Variants in CASP2 observed in about 807,000 individuals in gnomAD.
The protein encoded by CASP2 is caspase 2, also known as caspase-2.
Under a neutral mutation model 54.4 loss-of-function variants are expected in CASP2, and 38 were observed. The ratio of observed to expected loss-of-function variants is 0.70; its 90% CI spans 0.54 to 0.92. The LOEUF (loss-of-function observed/expected upper bound fraction) is 0.92. Ranked by LOEUF, CASP2 falls within the 40% of genes least tolerant of loss-of-function variation. The probability of loss-of-function intolerance (pLI) is 0.00; values close to 1 mark genes in which losing one functional copy is unlikely to be tolerated. For missense variants in CASP2, 512 were observed against 579.6 expected, an observed-to-expected ratio of 0.88 and a Z score of 1.20; for synonymous variants, 215 against 216.3, an observed-to-expected ratio of 0.99 and a Z score of 0.05.
In CASP2 at chr7:143,294,869, T is replaced by A. The variant is rs145978960; in HGVS notation, c.747+96T>A. The A allele has an allele frequency of 5.2e-4, 585 of 1,124,996 alleles. 1 individual carries two copies. In the Middle Eastern group the frequency reaches 5.8e-3, roughly 11 times the overall value. 69.7% of individuals were successfully genotyped at this position (1,124,996 alleles called of 1,614,324 possible). A position where few individuals can be genotyped will look rare whatever the true frequency, so the allele number is the denominator to read the frequency against. On this transcript the variant is annotated intron_variant, in intron 6 of 10. Transcript: ENST00000310447. Reference sequence around the variant, plus strand: ...TTGTTCCTGTGCCTGCTGGGATATGTCTTAAAAGTTGGTTTATTCTACTTA... The same window carrying A: ...TTGTTCCTGTGCCTGCTGGGATATGACTTAAAAGTTGGTTTATTCTACTTA...
At position 143,291,708 on chromosome 7, in the gene CASP2, A is replaced by C; in HGVS notation, c.225+18A>C. The stretch of plus-strand genomic sequence containing the variant: ...TCATCCAGGTATCTGGAGGCAAAAG[A>C]GAGAAGATAAATTGATCATGGGGTG... On this transcript the variant is annotated intron_variant, in intron 2 of 10. Transcript: ENST00000310447. 1 of 1,607,656 alleles carries C rather than the reference A, an allele frequency of 6.2e-7. No homozygotes were observed. Among genetic ancestry groups the C allele is most frequent in the Non-Finnish European group, 8.5e-7 (1 of 1,175,446 alleles).
At chr7:143,291,780 C>CTTTTTTTTTTTTTTTTTTTTTTTTTTTT (rs777186983) in intron 2 of CASP2, 90 bp downstream of exon 2, 1 of 336,022 alleles carries the variant, frequency 3.0e-6, no homozygotes, top group African/African-American at 4.2e-5. Flanking sequence ...ATCTTTCTTC[C>CTTTTTTTTTTTTTTTTTTTTTTTTTTTT]TTTTTTTTTT....
chr7:143,293,479 T>C (rs928897245), intron 4 of CASP2, among the ~76,000 whole-genome samples: 4 of 151,980 alleles, frequency 2.6e-5, no homozygotes, highest in Admixed American at 2.6e-4. Context: ...TAAGGGCTAG[T>C]AGGACAGTTT....
intron 1 of CASP2, among the ~76,000 whole-genome samples, chr7:143,289,270 T>C (rs1353943380): frequency 1.3e-5 from 2 of 152,240 alleles, no homozygotes; most frequent in Non-Finnish European, 2.9e-5. Context: ...CCTGAAATTC[T>C]AAATGATTGG....
chr7:143,289,660 A>G (rs530284245), intron 1 of CASP2: 123 of 965,240 alleles, frequency 1.3e-4, no homozygotes, highest in Middle Eastern at 5.3e-4. Flanking sequence ...ACCACTGGTT[A>G]GTATCCCAGC....
At position 143,288,460 on chromosome 7, in the gene CASP2, C is replaced by A. The variant is rs765220960; in HGVS notation, c.5C>A (p.Ala2Glu). ...AGAGCCCGGGAAAAGCGGGAAATGG[C>A]GGCGCCGAGCGCGGGGTCTTGGTCC... M[A>E]APSAGSWSTF... The change falls in exon 1 of 11, where the codon GCG (alanine) becomes GAG (glutamate). Residue 2 changes from alanine to glutamate, a missense_variant. Ala to Glu is a moderately radical substitution (Grantham distance 107). Transcript: ENST00000310447. 8 of 1,612,686 alleles carry A rather than the reference C, an allele frequency of 5.0e-6. No individual in the cohort carries two copies. In the South Asian group the frequency reaches 8.8e-5, roughly 18 times the overall value.
rs1802016133 is a variant in CASP2 at position 143,304,716 on chromosome 7, T to C, written c.1160T>C (p.Ile387Thr). The change falls in exon 10 of 11, where the codon ATC (isoleucine) becomes ACC (threonine). Residue 387 changes from isoleucine (I) to threonine (T), a missense_variant. Transcript: ENST00000310447. The stretch of plus-strand genomic sequence containing the variant: ...AACACCAAACGAGGTTCCTGGTACA[T>C]CGAGGCTCTTGCTCAAGTGTTTTCT... Reference protein sequence around the residue: ...MRNTKRGSWYIEALAQVFSER... With the variant: ...MRNTKRGSWYTEALAQVFSER... The C allele has an allele frequency of 2.5e-6, 4 of 1,614,212 alleles. No homozygotes were observed. The highest frequency in any genetic ancestry group is 3.4e-6 in the Non-Finnish European group (4 of 1,180,038).
At chr7:143,290,762 G>C (rs1436009934) in intron 1 of CASP2, 1 of 152,466 alleles carries the variant, frequency 6.6e-6, no homozygotes, top group African/African-American at 2.4e-5. Flanking sequence ...GATGTCCTGG[G>C]AGTCAGGGTC....
At chr7:143,289,613 G>A (rs1801491864) in intron 1 of CASP2, 5 of 983,858 alleles carry the variant, frequency 5.1e-6, no homozygotes, top group African/African-American at 1.7e-5. Context: ...TTTAAGGAGC[G>A]AATACTACTG....
chr7:143,291,675 G>C lies in CASP2; in HGVS notation c.210G>C (p.Met70Ile). 6.2e-7 allele frequency: 1 copy of C among 1,613,630 alleles called. No individual in the cohort carries two copies. Among genetic ancestry groups the C allele is most frequent in the East Asian group, 2.2e-5 (1 of 44,880 alleles). Residue 70 changes from methionine (M) to isoleucine (I), a missense_variant, in exon 2 of 11, where the codon ATG (methionine) becomes ATC (isoleucine). Coordinates refer to ENST00000310447, the MANE Select transcript of CASP2 (RefSeq NM_032982.4). ...LLEKDIITLE[M>I]RELIQAKVGS... ...AGAAGGACATCATCACCTTGGAAAT[G>C]AGGGAGCTCATCCAGGTATCTGGAG... is the stretch of plus-strand genomic sequence containing the variant.
At chr7:143,304,035 G>T (rs981130557) in intron 9 of CASP2, 102 bp downstream of exon 9, 10 of 1,149,450 alleles carry the variant, frequency 8.7e-6, no homozygotes, top group African/African-American at 1.5e-5. Context: ...CTGAAGTGTT[G>T]GAACCAGAAG....
rs545254526 is a variant in CASP2, at chr7:143,294,151, A to T, written c.476-79A>T. On this transcript the variant is annotated intron_variant, in intron 4 of 10. Transcript: ENST00000310447. ...ATTTATCACAACCCAGTTGCAAGAG[A>T]TGTCTGAAGTTACAATGACATATTA... 275 of 835,656 alleles carry T rather than the reference A, an allele frequency of 3.3e-4. 1 individual carries two copies. Among genetic ancestry groups the T allele is most frequent in the Non-Finnish European group, 4.9e-4 (235 of 476,334 alleles). The allele number at this position is 835,656 out of a possible 1,614,324, so 51.8% of individuals were successfully genotyped here.
At chr7:143,304,059 G>C (rs1267343234) in intron 9 of CASP2, 126 bp downstream of exon 9, 1 of 1,008,680 alleles carries the variant, frequency 9.9e-7, no homozygotes, top group Admixed American at 2.1e-5. Flanking sequence ...TTCAGATTTT[G>C]GATTTTTTTG....
At chr7:143,300,392 C>T (rs762930613) in intron 8 of CASP2, 98 bp downstream of exon 8, 1 of 1,600,390 alleles carries the variant, frequency 6.2e-7, no homozygotes, top group South Asian at 1.1e-5. Flanking sequence ...GCTATTGGAT[C>T]CCTTGGGCAC....
intron 8 of CASP2, chr7:143,302,063 T>TG (rs1279527710): frequency 6.6e-6 from 1 of 152,180 alleles, no homozygotes; most frequent in African/African-American, 2.4e-5. Context: ...GTTCAATGAA[T>TG]GGATGAAAAT....
Position 143,305,621 on chromosome 7 carries a change from G to A in CASP2, c.*550G>A, listed in dbSNP as rs527607106. 1.1e-4 allele frequency: 23 copies of A among 215,088 alleles called. 1 individual carries two copies. The South Asian group carries it at 1.6e-3, about 15-fold the overall frequency. The allele number at this position is 215,088 out of a possible 1,614,324, so 13.3% of individuals were successfully genotyped here. A position where few individuals can be genotyped will look rare whatever the true frequency, so the allele number is the denominator to read the frequency against. ...GCACCTTGCTGCAGTGTCCAGAAGC[G>A]GCCTGTGCGTTCCCTTCAGTACTGC... On this transcript the variant is annotated 3_prime_UTR_variant, in exon 11 of 11. Transcript: ENST00000310447.
chr7:143,299,859 C>G (rs776982124), intron 6 of CASP2, 64 bp from the exon 7 acceptor site: 240 of 1,603,566 alleles, frequency 1.5e-4, no homozygotes, highest in Non-Finnish European at 1.6e-4. Context: ...AAAAAGAAAC[C>G]AAACTTTGAT....
chr7:143,300,698 G>C, intron 8 of CASP2: 3 of 1,204,620 alleles, frequency 2.5e-6, no homozygotes, highest in Non-Finnish European at 1.0e-6. Context: ...TTCACTCTTT[G>C]TTCTTTTCAC....
At chr7:143,300,322 G>A (rs1347577587) in intron 8 of CASP2, 28 bp downstream of exon 8, 1 of 1,611,682 alleles carries the variant, frequency 6.2e-7, no homozygotes, top group Admixed American at 1.7e-5. Flanking sequence ...CCAGCACCTG[G>A]GTGGTGGCTC....
Sources: allele counts gnomAD v4.1 joint callset (sites outside exome capture counted in the v4.1 genomes callset), GRCh38; gene constraint gnomAD v4.1.1; transcripts MANE v1.5; gene names NCBI Gene and HGNC (gene_info 2026-07-23, HGNC 2026-07-21).